SRGAP1: variants seen among roughly 807,000 people sequenced by gnomAD.
SRGAP1 encodes SLIT-ROBO Rho GTPase-activating protein 1.
In SRGAP1, 43 loss-of-function variants were observed where a neutral mutation model predicts 121.9. That is an observed-to-expected ratio of 0.35 (90% CI 0.28 to 0.46). The LOEUF is 0.46. Among genes scored for constraint, SRGAP1 ranks in the 20% least tolerant of loss-of-function variants. The pLI, the probability that SRGAP1 is intolerant of heterozygous loss-of-function variation, is 1.00. For synonymous variants in SRGAP1, 447 were observed against 485.4 expected, an observed-to-expected ratio of 0.92 and a Z score of 1.04; for missense variants, 1,102 against 1,350.9, an observed-to-expected ratio of 0.82 and a Z score of 2.89.
intron 1 of SRGAP1, among the ~76,000 whole-genome samples, chr12:63,942,208 C>T (rs1592965979): frequency 6.6e-6 from 1 of 152,154 alleles, no homozygotes; most frequent in African/African-American, 2.4e-5. Context: ...CAGTCCTCAA[C>T]ATGGTCATTT....
intron 1 of SRGAP1, among the ~76,000 whole-genome samples, chr12:63,868,600 G>A (rs577355786): frequency 1.3e-5 from 2 of 152,224 alleles, no homozygotes; most frequent in East Asian, 1.9e-4. Flanking sequence ...GGGCTCAAGC[G>A]ATATGCCAGC....
chr12:64,049,692 G>A (rs2035201845), intron 6 of SRGAP1, among the ~76,000 whole-genome samples: 1 of 152,136 alleles, frequency 6.6e-6, no homozygotes, highest in Non-Finnish European at 1.5e-5. Flanking sequence ...TAGATGTATG[G>A]ATTCATTTCT....
chr12:64,080,425 A>G lies in SRGAP1; in HGVS notation c.1408+55A>G, dbSNP rs570041975. ...ACCTGGATGATACATCGTATCATGT[A>G]TATATTCCAGAAAGAGTATGAATTG... is the stretch of plus-strand genomic sequence containing the variant. On this transcript the variant is annotated intron_variant, in intron 10 of 21. Coordinates refer to ENST00000355086, the MANE Select transcript of SRGAP1 (RefSeq NM_020762.4). 7 of 1,306,314 alleles carry G rather than the reference A, an allele frequency of 5.4e-6. No individual in the cohort carries two copies. The African/African-American group carries it at 7.3e-5, about 14-fold the overall frequency. 80.9% of individuals were successfully genotyped at this position (1,306,314 alleles called of 1,614,324 possible).
chr12:63,863,743 C>CA (rs1159282453), intron 1 of SRGAP1, among the ~76,000 whole-genome samples: 3 of 152,126 alleles, frequency 2.0e-5, no homozygotes, highest in Non-Finnish European at 2.9e-5. Flanking sequence ...AAACTTTAAA[C>CA]AAATTAAATT....
intron 4 of SRGAP1, among the ~76,000 whole-genome samples, chr12:64,023,546 G>T (rs773355784): frequency 6.6e-6 from 1 of 152,176 alleles, no homozygotes; most frequent in Non-Finnish European, 1.5e-5. Flanking sequence ...ACAAAACAAG[G>T]AGTTGACCAC....
intron 15 of SRGAP1, among the ~76,000 whole-genome samples, chr12:64,106,972 G>T (rs1486643107): frequency 1.3e-5 from 2 of 152,128 alleles, no homozygotes; most frequent in African/African-American, 4.8e-5. Flanking sequence ...AATGTTAATT[G>T]CATGATAATG....
intron 21 of SRGAP1, among the ~76,000 whole-genome samples, chr12:64,131,083 C>T (rs1284296825): frequency 6.6e-6 from 1 of 152,164 alleles, no homozygotes; most frequent in Non-Finnish European, 1.5e-5. Flanking sequence ...TCCATCCCTG[C>T]CACTATGGCC....
chr12:64,041,410 G>A (rs1005030666), intron 4 of SRGAP1, among the ~76,000 whole-genome samples: 75 of 148,504 alleles, frequency 5.1e-4, no homozygotes, highest in Admixed American at 1.5e-3. Flanking sequence ...TTTGAGGCAA[G>A]GTCTCACTCT....
At chr12:64,078,658 A>G (rs1230212958) in intron 8 of SRGAP1, among the ~76,000 whole-genome samples, 1 of 152,214 alleles carries the variant, frequency 6.6e-6, no homozygotes, top group Non-Finnish European at 1.5e-5. Context: ...TAAGACAAAA[A>G]AGTAATTGAG....
At chr12:64,090,216 A>G (rs1291524574) in intron 11 of SRGAP1, among the ~76,000 whole-genome samples, 1 of 152,200 alleles carries the variant, frequency 6.6e-6, no homozygotes, top group African/African-American at 2.4e-5. Flanking sequence ...CTGCAGTCAC[A>G]GGGCAAGATG....
At chr12:64,016,680 A>G (rs2034410329) in intron 3 of SRGAP1, among the ~76,000 whole-genome samples, 1 of 152,150 alleles carries the variant, frequency 6.6e-6, no homozygotes, top group African/African-American at 2.4e-5. Flanking sequence ...TGACGCTTCA[A>G]CCTGCTTACT....
intron 11 of SRGAP1, among the ~76,000 whole-genome samples, chr12:64,088,014 G>A (rs966370589): frequency 5.9e-5 from 9 of 152,150 alleles, no homozygotes; most frequent in Non-Finnish European, 7.3e-5. Flanking sequence ...TATCTAATTA[G>A]CATAGCAAGA....
At chr12:63,947,196 T>C (rs1592970520) in intron 1 of SRGAP1, among the ~76,000 whole-genome samples, 1 of 152,202 alleles carries the variant, frequency 6.6e-6, no homozygotes, top group African/African-American at 2.4e-5. Flanking sequence ...ATATTTAAAT[T>C]TATAAGAAAC....
intron 3 of SRGAP1, among the ~76,000 whole-genome samples, chr12:64,004,519 C>T (rs984505138): frequency 1.3e-5 from 2 of 152,000 alleles, no homozygotes; most frequent in East Asian, 1.9e-4. Flanking sequence ...CTACAGGGCC[C>T]GCCACCACGC....
chr12:64,051,354 A>G (rs1158400854), intron 6 of SRGAP1, among the ~76,000 whole-genome samples: 1 of 152,182 alleles, frequency 6.6e-6, no homozygotes, highest in Non-Finnish European at 1.5e-5. Context: ...ACAACAGACT[A>G]TGGATATTTT....
intron 3 of SRGAP1, among the ~76,000 whole-genome samples, chr12:63,998,059 C>A (rs2136429871): frequency 6.6e-6 from 1 of 152,288 alleles, no homozygotes; most frequent in East Asian, 1.9e-4. Context: ...CTCCCTTCCC[C>A]AGCTTTATTC....
intron 1 of SRGAP1, chr12:63,871,980 T>A: frequency 1.0e-6 from 1 of 989,406 alleles, no homozygotes; most frequent in South Asian, 1.3e-5. Flanking sequence ...CTTGCCCTTC[T>A]TATACTGTGT....
chr12:64,061,682 G>T (rs1230743614), intron 6 of SRGAP1, among the ~76,000 whole-genome samples: 2 of 152,048 alleles, frequency 1.3e-5, no homozygotes, highest in Non-Finnish European at 2.9e-5. Flanking sequence ...GCATCTCTCA[G>T]CCATCACCCC....
rs2035685592 is a variant in SRGAP1 at position 64,073,791 on chromosome 12, T to G, written c.1126-5128T>G. Among the ~76,000 whole-genome samples the G allele has an allele frequency of 2.0e-5, 3 of 151,810 alleles. No homozygotes were observed. The South Asian group carries it at 6.2e-4, about 31-fold the overall frequency. On this transcript the variant is annotated intron_variant, in intron 8 of 21. Transcript: ENST00000355086. ...TACAGAATCCATAAAAAAAAAAACC[T>G]GACTGTATTTGAAGACAAACTACAA... is the stretch of plus-strand genomic sequence containing the variant.
Sources: gnomAD v4.1 joint callset for allele counts (sites outside exome capture counted in the v4.1 genomes callset) on GRCh38, gnomAD v4.1.1 for gene constraint, MANE v1.5 for transcripts, NCBI Gene and HGNC (gene_info 2026-07-23, HGNC 2026-07-21) for gene names.